Variants in KLHL24 observed in about 807,000 individuals in gnomAD.
KLHL24 encodes kelch-like protein 24.
A neutral mutation model predicts 53.4 loss-of-function variants in KLHL24; 29 were observed. The ratio of observed to expected loss-of-function variants is 0.54; its 90% CI spans 0.40 to 0.74. The LOEUF (loss-of-function observed/expected upper bound fraction) is 0.74. Among genes scored for constraint, KLHL24 ranks in the 30% least tolerant of loss-of-function variants. KLHL24 has a pLI of 0.00. For missense variants in KLHL24, 504 were observed against 744.0 expected (o/e 0.68, Z 3.75); for synonymous variants, 222 against 253.7 (o/e 0.88, Z 1.19).
chr3:183,638,554 A>AT (rs1000834478), intron 1 of KLHL24, among the ~76,000 whole-genome samples: 6 of 152,220 alleles, frequency 3.9e-5, no homozygotes, highest in African/African-American at 1.4e-4. Context: ...TGAAAAATAT[A>AT]TTTTTGTATG....
At chr3:183,638,006 G>A (rs528338388) in intron 1 of KLHL24, among the ~76,000 whole-genome samples, 1 of 152,314 alleles carries the variant, frequency 6.6e-6, no homozygotes, top group East Asian at 1.9e-4. Flanking sequence ...CCTGGATGAA[G>A]CAGGAATTGA....
At chr3:183,656,479 TTAGATGCA>T (rs1336726080) in intron 3 of KLHL24, among the ~76,000 whole-genome samples, 1 of 152,222 alleles carries the variant, frequency 6.6e-6, no homozygotes, top group Non-Finnish European at 1.5e-5. Flanking sequence ...ATATTAATAC[TTAGATGCA>T]TGTTTGGGCT....
chr3:183,670,515 T>C (rs560809291), intron 5 of KLHL24, among the ~76,000 whole-genome samples: 4 of 152,332 alleles, frequency 2.6e-5, no homozygotes, highest in African/African-American at 9.6e-5. Context: ...TTCTAGGTAT[T>C]GTACGGACTA....
rs1441271244 is a variant in KLHL24 at position 183,684,183 on chromosome 3, C to T, written c.*4897C>T. 1 of 152,118 alleles carries T rather than the reference C, an allele frequency of 6.6e-6. No homozygotes were observed. Among genetic ancestry groups the T allele is most frequent in the Non-Finnish European group, 1.5e-5 (1 of 68,012 alleles). 9.4% of individuals were successfully genotyped at this position (152,118 alleles called of 1,614,324 possible). On this transcript the variant is annotated 3_prime_UTR_variant, in exon 8 of 8. Transcript: ENST00000242810. Reference sequence around the variant, plus strand: ...ACTTACTCTCCCCTTCCCTATCACCCCTCCCCCAAGGTTTCTTTATTTAAA... The same window carrying T: ...ACTTACTCTCCCCTTCCCTATCACCTCTCCCCCAAGGTTTCTTTATTTAAA...
chr3:183,672,245 A>G, intron 6 of KLHL24, 51 bp from the exon 7 acceptor site: 4 of 939,488 alleles, frequency 4.3e-6, no homozygotes, highest in Non-Finnish European at 6.0e-6. Flanking sequence ...TATTAAGTAC[A>G]TTTCCATTTT....
In KLHL24 at chr3:183,684,076, A is replaced by G. The variant is rs1276407904; in HGVS notation, c.*4790A>G. ...TTTGCAGTATCTACATCGAATGTCA[A>G]AAAAGTATACTTATTTTTGTTCCAT... On this transcript the variant is annotated 3_prime_UTR_variant, in exon 8 of 8. Coordinates refer to ENST00000242810, the MANE Select transcript of KLHL24 (RefSeq NM_017644.3). The G allele has an allele frequency of 6.6e-6, 1 of 152,538 alleles. No individual in the cohort carries two copies. The highest frequency in any genetic ancestry group is 2.4e-5 in the African/African-American group (1 of 41,452). 9.4% of individuals were successfully genotyped at this position (152,538 alleles called of 1,614,324 possible). A position where few individuals can be genotyped will look rare whatever the true frequency, so the allele number is the denominator to read the frequency against.
Position 183,663,260 on chromosome 3 carries a change from A to G in KLHL24, c.921-198A>G, listed in dbSNP as rs1232875484. The stretch of plus-strand genomic sequence containing the variant: ...AGCAACAGAAATTTTCTGTGGAATA[A>G]TGATGTCACTAGCTCCCCTATAAAC... On this transcript the variant is annotated intron_variant, in intron 3 of 7. Transcript: ENST00000242810. This position sits in a 1 kb window ranked among gnomAD's most constrained non-coding sequence, Gnocchi z 4.9. 2.0e-5 allele frequency among the ~76,000 whole-genome samples: 3 copies of G among 152,186 alleles called. No individual in the cohort carries two copies. The highest frequency in any genetic ancestry group is 4.8e-5 in the African/African-American group (2 of 41,444).
intron 1 of KLHL24, among the ~76,000 whole-genome samples, chr3:183,640,011 C>T (rs1413320367): frequency 3.3e-5 from 5 of 152,124 alleles, no homozygotes; most frequent in Non-Finnish European, 5.9e-5. Flanking sequence ...GGTGACAGAG[C>T]GAGACTCCAT....
chr3:183,660,305 AT>A (rs1029365665), intron 3 of KLHL24, among the ~76,000 whole-genome samples: 20 of 151,632 alleles, frequency 1.3e-4, no homozygotes, highest in Admixed American at 7.9e-4. Context: ...TAATTTTTGT[AT>A]TTTTTATAGA....
rs1368910651 is a variant in KLHL24 at position 183,679,365 on chromosome 3, A to G, written c.*79A>G. ...AAACTCTACAGTGGGAACTTCACAT[A>G]TCTCCTTTGTGCCATATGCAAAAAA... On this transcript the variant is annotated 3_prime_UTR_variant, in exon 8 of 8. Coordinates refer to ENST00000242810, the MANE Select transcript of KLHL24 (RefSeq NM_017644.3). The G allele has an allele frequency of 1.1e-5, 11 of 1,015,476 alleles. No homozygotes were observed. The East Asian group carries it at 1.7e-4, about 16-fold the overall frequency. 62.9% of individuals were successfully genotyped at this position (1,015,476 alleles called of 1,614,324 possible). A position where few individuals can be genotyped will look rare whatever the true frequency, so the allele number is the denominator to read the frequency against.
intron 7 of KLHL24, among the ~76,000 whole-genome samples, chr3:183,678,576 A>G (rs1240224775): frequency 6.6e-6 from 1 of 151,704 alleles, no homozygotes; most frequent in African/African-American, 2.4e-5. Flanking sequence ...TTACATAGGT[A>G]CACTGTGTCA....
At chr3:183,661,618 TA>T (rs1308726198) in intron 3 of KLHL24, among the ~76,000 whole-genome samples, 6 of 152,342 alleles carry the variant, frequency 3.9e-5, no homozygotes, top group African/African-American at 1.4e-4. Flanking sequence ...ACCCTTTATT[TA>T]TTGGTACTAA....
At position 183,683,333 on chromosome 3, in the gene KLHL24, A is replaced by C. The variant is rs983947227; in HGVS notation, c.*4047A>C. 1 of 152,632 alleles carries C rather than the reference A, an allele frequency of 6.6e-6. No individual in the cohort carries two copies. The highest frequency in any genetic ancestry group is 1.5e-5 in the Non-Finnish European group (1 of 68,032). The allele number at this position is 152,632 out of a possible 1,614,324, so 9.5% of individuals were successfully genotyped here. A position where few individuals can be genotyped will look rare whatever the true frequency, so the allele number is the denominator to read the frequency against. On this transcript the variant is annotated 3_prime_UTR_variant, in exon 8 of 8. Transcript: ENST00000242810. ...GACTGCCTTTATTTTAGTAAACTCA[A>C]GACACCAGTTAACCTCAACAGAGTT...
At chr3:183,669,515 G>T (rs1027331442) in intron 5 of KLHL24, among the ~76,000 whole-genome samples, 2 of 152,182 alleles carry the variant, frequency 1.3e-5, no homozygotes, top group African/African-American at 4.8e-5. Context: ...ACTTTTGTAA[G>T]TTACTTAACC....
chr3:183,637,252 G>A (rs1715449246), intron 1 of KLHL24, among the ~76,000 whole-genome samples: 1 of 152,168 alleles, frequency 6.6e-6, no homozygotes, highest in Admixed American at 6.5e-5. Context: ...TTTTATTAGG[G>A]TTGTAAAATA....
At chr3:183,656,994 A>C (rs1327668761) in intron 3 of KLHL24, among the ~76,000 whole-genome samples, 1 of 151,820 alleles carries the variant, frequency 6.6e-6, no homozygotes, top group Non-Finnish European at 1.5e-5. Flanking sequence ...CCCCTGCTTT[A>C]CTCCAAATAC....
At position 183,683,281 on chromosome 3, in the gene KLHL24, GATA is replaced by G. The variant is rs1031581848; in HGVS notation, c.*3998_*4000del. 6.6e-6 allele frequency: 1 copy of G among 152,614 alleles called. No homozygotes were observed. The highest frequency in any genetic ancestry group is 2.4e-5 in the African/African-American group (1 of 41,434). The allele number at this position is 152,614 out of a possible 1,614,324, so 9.5% of individuals were successfully genotyped here. On this transcript the variant is annotated 3_prime_UTR_variant, in exon 8 of 8. Transcript: ENST00000242810. ...GTGTTTTTGTGGTGCCAAGTGGTAA[GATA>G]ATGTCTCTTTGAGGCTTCCTATGGA...
chr3:183,652,650 CATT>C (rs1166091527), intron 3 of KLHL24, among the ~76,000 whole-genome samples: 1 of 152,096 alleles, frequency 6.6e-6, no homozygotes, highest in Non-Finnish European at 1.5e-5. Context: ...TTTTGACTAT[CATT>C]GTTTCGGAAT....
At chr3:183,664,874 G>A (rs571161476) in intron 4 of KLHL24, 47 bp from the exon 5 acceptor site, 2 of 1,092,532 alleles carry the variant, frequency 1.8e-6, no homozygotes, top group Non-Finnish European at 1.4e-6. Context: ...CTTGGTGACA[G>A]CTATATCATG....
Sources: gnomAD v4.1 joint callset for allele counts (sites outside exome capture counted in the v4.1 genomes callset) on GRCh38, gnomAD v4.1.1 for gene constraint, Gnocchi (gnomAD v3.1) non-coding constraint, MANE v1.5 for transcripts, NCBI Gene and HGNC (gene_info 2026-07-23, HGNC 2026-07-21) for gene names.